The following PCDHGC3 variants were observed in gnomAD, a reference collection of about 807,000 sequenced individuals.
PCDHGC3 encodes protocadherin gamma subfamily C, 3.
In PCDHGC3, 26 loss-of-function variants were observed where a neutral mutation model predicts 59.2. That is an observed-to-expected ratio of 0.44 (90% confidence interval 0.32 to 0.61). The LOEUF is 0.61. Among genes scored for constraint, PCDHGC3 ranks in the 20% least tolerant of loss-of-function variants. PCDHGC3 has a pLI of 0.05. For missense variants in PCDHGC3, 1,080 were observed against 1,221.8 expected, an observed-to-expected ratio of 0.88 and a Z score of 1.73; for synonymous variants, 487 against 519.7, an observed-to-expected ratio of 0.94 and a Z score of 0.86.
chr5:141,509,577 C>G (rs569743928), intron 3 of PCDHGC3, among the ~76,000 whole-genome samples: 2 of 152,320 alleles, frequency 1.3e-5, no homozygotes, highest in African/African-American at 2.4e-5. Context: ...ACAGTGCGTA[C>G]AAATCAGCTG....
In PCDHGC3 at chr5:141,487,086, TCCCACCACAGAAG is replaced by T. The variant is rs2099639456; in HGVS notation, c.2431-7719_2431-7707del. 6.2e-7 allele frequency: 1 copy of T among 1,613,822 alleles called. No homozygotes were observed. ...ACGGCTGTTCCTATCCCAGCTGACC[TCCCACCACAGAAG>T]CTGGTCATTGTGGTAAAGGATAGTG... On this transcript the variant is annotated intron_variant, in intron 1 of 3. Coordinates refer to ENST00000308177, the MANE Select transcript of PCDHGC3 (RefSeq NM_002588.4). The surrounding 1 kb of genome is among the most constrained non-coding windows in gnomAD (Gnocchi z 5.0).
Position 141,487,070 on chromosome 5 carries a change from C to T in PCDHGC3, c.2431-7737C>T. ...TGCTGGGGAGGTGCGGACGGCTGTT[C>T]CTATCCCAGCTGACCTCCCACCACA... On this transcript the variant is annotated intron_variant, in intron 1 of 3. Coordinates refer to ENST00000308177, the MANE Select transcript of PCDHGC3 (RefSeq NM_002588.4). This position sits in a 1 kb window ranked among gnomAD's most constrained non-coding sequence, Gnocchi z 5.0. The T allele has an allele frequency of 6.2e-7, 1 of 1,614,154 alleles. No homozygotes were observed. Among genetic ancestry groups the T allele is most frequent in the Non-Finnish European group, 8.5e-7 (1 of 1,180,008 alleles).
chr5:141,491,861 C>A lies in PCDHGC3; in HGVS notation c.2431-2946C>A. ...GGATCATTGGACCGTTTGCGCGAAA[C>A]CAGAGTGGCCGATTAAGGGATGGGG... On this transcript the variant is annotated intron_variant, in intron 1 of 3. Transcript: ENST00000308177. The surrounding 1 kb of genome is among the most constrained non-coding windows in gnomAD (Gnocchi z 6.9). 6.9e-7 allele frequency: 1 copy of A among 1,455,272 alleles called. No homozygotes were observed. The highest frequency in any genetic ancestry group is 9.1e-7 in the Non-Finnish European group (1 of 1,100,930). The allele number at this position is 1,455,272 out of a possible 1,614,324, so 90.1% of individuals were successfully genotyped here.
rs1001719735 is a variant in PCDHGC3 at position 141,512,055 on chromosome 5, TGAC to T, written c.*883_*885del. 10 of 152,698 alleles carry T rather than the reference TGAC, an allele frequency of 6.5e-5. No homozygotes were observed. The highest frequency in any genetic ancestry group is 1.4e-4 in the African/African-American group (6 of 41,450). 9.5% of individuals were successfully genotyped at this position (152,698 alleles called of 1,614,324 possible). On this transcript the variant is annotated 3_prime_UTR_variant, in exon 4 of 4. Coordinates refer to ENST00000308177, the MANE Select transcript of PCDHGC3 (RefSeq NM_002588.4). ...GAGGCTCTGTATGTCCTCAGGGGACTGACAACATCCTCCAGATTCCAGCCATAA... is the reference window on the plus strand; with the variant it reads ...GAGGCTCTGTATGTCCTCAGGGGACTAACATCCTCCAGATTCCAGCCATAA...
chr5:141,492,998 C>A (rs2154589328), intron 1 of PCDHGC3, among the ~76,000 whole-genome samples: 1 of 152,334 alleles, frequency 6.6e-6, no homozygotes, highest in Admixed American at 6.5e-5. Flanking sequence ...AGATGGAAAG[C>A]TATAGGCTCT....
rs894528472 is a variant in PCDHGC3 at position 141,489,718 on chromosome 5, C to A, written c.2431-5089C>A. 6.2e-7 allele frequency: 1 copy of A among 1,614,038 alleles called. No individual in the cohort carries two copies. Among genetic ancestry groups the A allele is most frequent in the African/African-American group, 1.3e-5 (1 of 74,934 alleles). ...ATTCCCACTGGACAGTGCCCAGGATCCGGATGTGGGCACCAATACTGTGAG... is the reference window on the plus strand; with the variant it reads ...ATTCCCACTGGACAGTGCCCAGGATACGGATGTGGGCACCAATACTGTGAG... On this transcript the variant is annotated intron_variant, in intron 1 of 3. Coordinates refer to ENST00000308177, the MANE Select transcript of PCDHGC3 (RefSeq NM_002588.4). This position sits in a 1 kb window ranked among gnomAD's most constrained non-coding sequence, Gnocchi z 4.5.
Position 141,487,399 on chromosome 5 carries a change from G to T in PCDHGC3, c.2431-7408G>T, listed in dbSNP as rs749826036. 6.2e-7 allele frequency: 1 copy of T among 1,614,140 alleles called. No individual in the cohort carries two copies. The highest frequency in any genetic ancestry group is 8.5e-7 in the Non-Finnish European group (1 of 1,180,014). ...TCACCAGATCTCGAAGGAGGGAGGG[G>T]CTTCCCCCTTCCAATGGGATCCTCC... On this transcript the variant is annotated intron_variant, in intron 1 of 3. Transcript: ENST00000308177. The surrounding 1 kb of genome is among the most constrained non-coding windows in gnomAD (Gnocchi z 5.0).
Position 141,489,564 on chromosome 5 carries a change from G to A in PCDHGC3, c.2431-5243G>A, listed in dbSNP as rs375200685. The A allele has an allele frequency of 1.9e-6, 3 of 1,613,980 alleles. No homozygotes were observed. Among genetic ancestry groups the A allele is most frequent in the Non-Finnish European group, 1.7e-6 (2 of 1,180,020 alleles). On this transcript the variant is annotated intron_variant, in intron 1 of 3. Transcript: ENST00000308177. This position sits in a 1 kb window ranked among gnomAD's most constrained non-coding sequence, Gnocchi z 4.5. Reference sequence around the variant, plus strand: ...CCAGCTGCCTGCTGCCAGTGCAGGTGGTGACTGAACACCCCCTGGAGCTAA... The same window carrying A: ...CCAGCTGCCTGCTGCCAGTGCAGGTAGTGACTGAACACCCCCTGGAGCTAA...
At position 141,493,061 on chromosome 5, in the gene PCDHGC3, C is replaced by G. The variant is rs1386090478; in HGVS notation, c.2431-1746C>G. On this transcript the variant is annotated intron_variant, in intron 1 of 3. Transcript: ENST00000308177. The surrounding 1 kb of genome is among the most constrained non-coding windows in gnomAD (Gnocchi z 4.3). The stretch of plus-strand genomic sequence containing the variant: ...GAGGAAACTACAATAGTAAAAAACA[C>G]AAGTTTCTCCAACTCCAGGAGCTTT... Among the ~76,000 whole-genome samples the G allele has an allele frequency of 6.6e-6, 1 of 152,228 alleles. No individual in the cohort carries two copies. Among genetic ancestry groups the G allele is most frequent in the African/African-American group, 2.4e-5 (1 of 41,446 alleles).
In PCDHGC3 at chr5:141,476,467, G is replaced by A. The variant is rs375302797; in HGVS notation, c.351G>A (p.Glu117=). The change falls in exon 1 of 4, where the codon GAG becomes GAA. Residue 117 remains glutamate, a synonymous_variant. Transcript: ENST00000308177. This position sits in a 1 kb window ranked among gnomAD's most constrained non-coding sequence, Gnocchi z 7.6. Reference sequence around the variant, plus strand: ...AGTTGGTAGTGGAGAACCCGCTGGAGCTGTTCAGCGTGGAAGTGGTGATCC... The same window carrying A: ...AGTTGGTAGTGGAGAACCCGCTGGAACTGTTCAGCGTGGAAGTGGTGATCC... The part of the protein sequence containing the change: ...TLELVVENPL[E]LFSVEVVIQD... The A allele has an allele frequency of 2.3e-5, 37 of 1,614,142 alleles. No individual in the cohort carries two copies. The African/African-American group carries it at 4.5e-4, about 20-fold the overall frequency.
chr5:141,479,469 C>T lies in PCDHGC3; in HGVS notation c.2430+923C>T, dbSNP rs1218436564. 8 of 152,344 alleles carry T rather than the reference C, an allele frequency of 5.3e-5. No homozygotes were observed. In the East Asian group the frequency reaches 1.5e-3, roughly 29 times the overall value. 9.4% of individuals were successfully genotyped at this position (152,344 alleles called of 1,614,324 possible). On this transcript the variant is annotated intron_variant, in intron 1 of 3. Transcript: ENST00000308177. ...AAGTTCAGCATGAATACAGTGACCT[C>T]TTGGGAGGGCAGGACCATCAGGTTG...
At chr5:141,497,691 C>T (rs2099778682) in intron 2 of PCDHGC3, among the ~76,000 whole-genome samples, 1 of 152,066 alleles carries the variant, frequency 6.6e-6, no homozygotes, top group African/African-American at 2.4e-5. Flanking sequence ...AGGTGTGCAC[C>T]ACCACACCCA....
rs2099883782 is a variant in PCDHGC3 at position 141,511,420 on chromosome 5, G to C, written c.*247G>C. The C allele has an allele frequency of 1.2e-6, 1 of 830,744 alleles. No homozygotes were observed. The allele number at this position is 830,744 out of a possible 1,614,324, so 51.5% of individuals were successfully genotyped here. On this transcript the variant is annotated 3_prime_UTR_variant, in exon 4 of 4. Transcript: ENST00000308177. ...TCCAATCAACTGCTGTACCCATGGG[G>C]GTAGTGGGGTTACTGTAGACACCAA...
chr5:141,486,162 T>G lies in PCDHGC3; in HGVS notation c.2430+7616T>G, dbSNP rs763023343. ...GCTCGCGATGGGGGTTCTCCAGCCA[T>G]GGAGCAACATTGCAGCCTTCGAGTG... On this transcript the variant is annotated intron_variant, in intron 1 of 3. Coordinates refer to ENST00000308177, the MANE Select transcript of PCDHGC3 (RefSeq NM_002588.4). The surrounding 1 kb of genome is among the most constrained non-coding windows in gnomAD (Gnocchi z 5.0). The G allele has an allele frequency of 6.2e-7, 1 of 1,614,170 alleles. No individual in the cohort carries two copies. Among genetic ancestry groups the G allele is most frequent in the Non-Finnish European group, 8.5e-7 (1 of 1,180,026 alleles).
Position 141,491,930 on chromosome 5 carries a change from G to A in PCDHGC3, c.2431-2877G>A, listed in dbSNP as rs2099735399. On this transcript the variant is annotated intron_variant, in intron 1 of 3. Transcript: ENST00000308177. The surrounding 1 kb of genome is among the most constrained non-coding windows in gnomAD (Gnocchi z 6.9). ...GTGGCGACTGTGGGCGAGGGGAGGT[G>A]GGACCGACCCCCACCCCTACACTCA... 1.6e-6 allele frequency: 2 copies of A among 1,276,580 alleles called. No homozygotes were observed. The highest frequency in any genetic ancestry group is 2.1e-6 in the Non-Finnish European group (2 of 943,112). 79.1% of individuals were successfully genotyped at this position (1,276,580 alleles called of 1,614,324 possible).
In PCDHGC3 at chr5:141,477,798, A is replaced by G; in HGVS notation, c.1682A>G (p.Asn561Ser). Residue 561 changes from asparagine (N) to serine (S), a missense_variant, in exon 1 of 4, where the codon AAT becomes AGT. Asn to Ser is a conservative substitution (Grantham distance 46, BLOSUM62 1). Transcript: ENST00000308177. The surrounding 1 kb of genome is among the most constrained non-coding windows in gnomAD (Gnocchi z 4.9). ...ISVNIFVTDR[N>S]DNAPQVLYPR... ...GTGAACATATTTGTCACTGATCGCA[A>G]TGACAATGCCCCCCAGGTCCTATAT... The G allele has an allele frequency of 6.2e-7, 1 of 1,614,140 alleles. No homozygotes were observed. The highest frequency in any genetic ancestry group is 8.5e-7 in the Non-Finnish European group (1 of 1,180,038).
chr5:141,484,788 TAAC>T (rs1245576501), intron 1 of PCDHGC3, among the ~76,000 whole-genome samples: 1 of 151,732 alleles, frequency 6.6e-6, no homozygotes, highest in Non-Finnish European at 1.5e-5. Flanking sequence ...CCCACAGAGA[TAAC>T]AACCCGTGGA....
chr5:141,476,551 C>G lies in PCDHGC3; in HGVS notation c.435C>G (p.Ser145Arg), dbSNP rs367700651. ...CCCAGGAAATGAAATTGGAGATTAG[C>G]GAGGCCGTGGCTCCGGGGACGCGCT... ...FPTQEMKLEISEAVAPGTRFP... is the reference protein window; with the variant it reads ...FPTQEMKLEIREAVAPGTRFP... Residue 145 changes from serine to arginine, a missense_variant, in exon 1 of 4, where the codon AGC (serine) becomes AGG (arginine). Transcript: ENST00000308177. The surrounding 1 kb of genome is among the most constrained non-coding windows in gnomAD (Gnocchi z 7.6). 128 of 1,614,078 alleles carry G rather than the reference C, an allele frequency of 7.9e-5. No homozygotes were observed. Among genetic ancestry groups the G allele is most frequent in the Non-Finnish European group, 1.0e-4 (122 of 1,180,034 alleles).
Position 141,491,547 on chromosome 5 carries a change from G to C in PCDHGC3, c.2431-3260G>C. On this transcript the variant is annotated intron_variant, in intron 1 of 3. Coordinates refer to ENST00000308177, the MANE Select transcript of PCDHGC3 (RefSeq NM_002588.4). This position sits in a 1 kb window ranked among gnomAD's most constrained non-coding sequence, Gnocchi z 6.9. Reference sequence around the variant, plus strand: ...AGGTGACGCTGCGGCCCACAGACTCGCAGAGCCACTGCTACAGGACGTGCT... The same window carrying C: ...AGGTGACGCTGCGGCCCACAGACTCCCAGAGCCACTGCTACAGGACGTGCT... 6.2e-7 allele frequency: 1 copy of C among 1,613,974 alleles called. No individual in the cohort carries two copies. The highest frequency in any genetic ancestry group is 8.5e-7 in the Non-Finnish European group (1 of 1,180,022).
Sources: gnomAD v4.1 joint callset for allele counts (sites outside exome capture counted in the v4.1 genomes callset) on GRCh38, gnomAD v4.1.1 for gene constraint, Gnocchi (gnomAD v3.1) non-coding constraint, MANE v1.5 for transcripts, NCBI Gene and HGNC (gene_info 2026-07-23, HGNC 2026-07-21) for gene names.